The following PTBP3 variants were observed in gnomAD, a reference collection of about 807,000 sequenced individuals.
The protein encoded by PTBP3 is polypyrimidine tract-binding protein 3.
In PTBP3, 20 loss-of-function variants were observed where a neutral mutation model predicts 58.7. That is an observed-to-expected ratio of 0.34 (90% CI 0.24 to 0.50). The LOEUF (loss-of-function observed/expected upper bound fraction) is 0.50, where lower values mean the gene tolerates loss of function less well. PTBP3 is among the 20% of genes least tolerant of loss of function. PTBP3 has a pLI of 0.98. For synonymous variants in PTBP3, 185 were observed against 219.8 expected, an observed-to-expected ratio of 0.84 and a Z score of 1.40; for missense variants, 509 against 637.2, an observed-to-expected ratio of 0.80 and a Z score of 2.17.
chr9:112,222,159 G>A lies in PTBP3; in HGVS notation c.*1692C>T, dbSNP rs1461378078. ...GAGACACTTTGAGAATCTGAAAAGT[G>A]TAAAAGGGGTAGACAAAAAAATGAC... is the stretch of plus-strand genomic sequence containing the variant. On this transcript the variant is annotated 3_prime_UTR_variant, in exon 14 of 14. Coordinates refer to ENST00000374257, the MANE Select transcript of PTBP3 (RefSeq NM_001163788.4). 1 of 985,556 alleles carries A rather than the reference G, an allele frequency of 1.0e-6. No homozygotes were observed. The highest frequency in any genetic ancestry group is 1.7e-5 in the African/African-American group (1 of 57,228). The allele number at this position is 985,556 out of a possible 1,614,324, so 61.1% of individuals were successfully genotyped here.
chr9:112,265,835 A>G (rs1836777383), intron 4 of PTBP3, among the ~76,000 whole-genome samples: 1 of 152,166 alleles, frequency 6.6e-6, no homozygotes, highest in Admixed American at 6.5e-5. Flanking sequence ...TGCAGGAGAA[A>G]CTGGTCTCTT....
At chr9:112,352,674 C>A in the PTBP3 span, among the ~76,000 whole-genome samples, 5 of 152,192 alleles carry the variant, frequency 3.3e-5, no homozygotes, top group African/African-American at 9.7e-5. Flanking sequence ...CGTTTACTCA[C>A]TAAAAATGGC....
At chr9:112,323,323 T>C (rs1303784521) in intron 1 of PTBP3, among the ~76,000 whole-genome samples, 1 of 152,220 alleles carries the variant, frequency 6.6e-6, no homozygotes, top group South Asian at 2.1e-4. Context: ...TCATGCCTCA[T>C]TGCCCAATGC....
intron 1 of PTBP3, among the ~76,000 whole-genome samples, chr9:112,304,237 T>C (rs374024309): frequency 6.6e-6 from 1 of 152,222 alleles, no homozygotes; most frequent in African/African-American, 2.4e-5. Flanking sequence ...GGGACATTTA[T>C]TAAAGTCTCA....
intron 1 of PTBP3, among the ~76,000 whole-genome samples, chr9:112,300,659 G>A (rs1405005119): frequency 6.6e-6 from 1 of 152,210 alleles, no homozygotes; most frequent in African/African-American, 2.4e-5. Flanking sequence ...GGCTGAGGCA[G>A]GAGAATGGCG....
chr9:112,333,733 C>T, upstream of PTBP3: 2 of 352,004 alleles, frequency 5.7e-6, no homozygotes, highest in Non-Finnish European at 1.0e-5. Flanking sequence ...TCCCCGCCCT[C>T]CCTCGGGGCC....
At chr9:112,354,661 GA>G in the PTBP3 span, among the ~76,000 whole-genome samples, 1 of 152,254 alleles carries the variant, frequency 6.6e-6, no homozygotes, top group East Asian at 1.9e-4. Context: ...ATTTGGCACA[GA>G]ATAAATACAT....
chr9:112,376,156 G>GATATATATATATATATAT, the PTBP3 span, among the ~76,000 whole-genome samples: 1,095 of 116,648 alleles, frequency 9.4e-3, 18 homozygotes, highest in African/African-American at 0.021. Context: ...TTCTCTAGAG[G>GATATATATATATATATAT]ATATATATAT....
At chr9:112,325,102 A>G (rs1260947173) in intron 1 of PTBP3, among the ~76,000 whole-genome samples, 5 of 152,228 alleles carry the variant, frequency 3.3e-5, no homozygotes, top group Non-Finnish European at 7.3e-5. Flanking sequence ...GTCCATCAAC[A>G]TGAGAATCAA....
rs1827459108 is a variant in PTBP3 at position 112,273,088 on chromosome 9, CA to C, written c.204+2755del. 3.3e-5 allele frequency among the ~76,000 whole-genome samples: 5 copies of C among 151,980 alleles called. No homozygotes were observed. The South Asian group carries it at 1.0e-3, about 31-fold the overall frequency. ...TACCAACCAAATGTAACAAGTGAAC[CA>C]ATGAAATGCTCCAAATGAACTACCA... On this transcript the variant is annotated intron_variant, in intron 3 of 13. Transcript: ENST00000374257.
chr9:112,346,249 C>T, the PTBP3 span, among the ~76,000 whole-genome samples: 1 of 151,862 alleles, frequency 6.6e-6, no homozygotes, highest in South Asian at 2.1e-4. Flanking sequence ...CTTGCTGCAA[C>T]CTTTGTCTCC....
chr9:112,366,793 C>T, the PTBP3 span, among the ~76,000 whole-genome samples: 1 of 152,172 alleles, frequency 6.6e-6, no homozygotes, highest in Admixed American at 6.6e-5. Context: ...CTACCGTCTT[C>T]CAGGCCCCAG....
In PTBP3 at chr9:112,220,678, C is replaced by T. The variant is rs1834776204; in HGVS notation, c.*3173G>A. The T allele has an allele frequency of 4.1e-6, 4 of 986,482 alleles. No homozygotes were observed. Among genetic ancestry groups the T allele is most frequent in the Non-Finnish European group, 4.8e-6 (4 of 830,472 alleles). 61.1% of individuals were successfully genotyped at this position (986,482 alleles called of 1,614,324 possible). A position where few individuals can be genotyped will look rare whatever the true frequency, so the allele number is the denominator to read the frequency against. ...TCTCCAGTAAGTATCAATTAAGATA[C>T]TGGGTCATTTTTCTATTTGTATGTT... On this transcript the variant is annotated 3_prime_UTR_variant, in exon 14 of 14. Coordinates refer to ENST00000374257, the MANE Select transcript of PTBP3 (RefSeq NM_001163788.4).
At chr9:112,359,451 GA>G in the PTBP3 span, among the ~76,000 whole-genome samples, 1 of 151,022 alleles carries the variant, frequency 6.6e-6, no homozygotes, top group Non-Finnish European at 1.5e-5. Flanking sequence ...GTCTCAAAAA[GA>G]AAAAAAAGTT....
the PTBP3 span, among the ~76,000 whole-genome samples, chr9:112,343,310 G>A: frequency 1.3e-5 from 2 of 151,592 alleles, no homozygotes; most frequent in African/African-American, 4.8e-5. Context: ...CCGGGTTCAA[G>A]TGATTCTCCT....
intron 10 of PTBP3, among the ~76,000 whole-genome samples, chr9:112,229,782 G>A (rs1032166094): frequency 6.6e-6 from 1 of 152,114 alleles, no homozygotes; most frequent in Non-Finnish European, 1.5e-5. Flanking sequence ...TCTGGCCCAG[G>A]TTGGTCTCAA....
chr9:112,323,004 T>TG (rs1419052749), intron 1 of PTBP3, among the ~76,000 whole-genome samples: 1 of 152,094 alleles, frequency 6.6e-6, no homozygotes, highest in Non-Finnish European at 1.5e-5. Flanking sequence ...TCCCAAGACT[T>TG]GGGGAGGCTG....
Position 112,320,314 on chromosome 9 carries a change from A to AT in PTBP3, c.-52+13155dup, listed in dbSNP as rs67226574. Among the ~76,000 whole-genome samples the AT allele has an allele frequency of 1.3e-3, 96 of 75,670 alleles. 1 individual carries two copies. Among genetic ancestry groups the AT allele is most frequent in the Middle Eastern group, 0.019 (2 of 106 alleles). 49.6% of individuals were successfully genotyped at this position (75,670 alleles called of 152,430 possible). On this transcript the variant is annotated intron_variant, in intron 1 of 13. Coordinates refer to ENST00000374257, the MANE Select transcript of PTBP3 (RefSeq NM_001163788.4). ...AAAATATATATATATATATATATAT[A>AT]TTTTTTTTTAAGTGTTATCACCAGA...
At chr9:112,282,649 T>A (rs191310994) in intron 2 of PTBP3, among the ~76,000 whole-genome samples, 139 of 152,320 alleles carry the variant, frequency 9.1e-4, no homozygotes, top group African/African-American at 3.2e-3. Context: ...TTTTATTTTT[T>A]TTTTTACTAT....
Sources: allele counts gnomAD v4.1 joint callset (sites outside exome capture counted in the v4.1 genomes callset), GRCh38; gene constraint gnomAD v4.1.1; transcripts MANE v1.5; gene names NCBI Gene and HGNC (gene_info 2026-07-23, HGNC 2026-07-21).